Variants in NALF1 observed in about 807,000 individuals in gnomAD.
The protein encoded by NALF1 is family with sequence similarity 155 member A.
Under a neutral mutation model 48.4 loss-of-function variants are expected in NALF1, and 3 were observed. The ratio of observed to expected loss-of-function variants is 0.06; its 90% CI spans 0.03 to 0.16. The LOEUF is 0.16. NALF1 is among the 10% of genes least tolerant of loss of function. NALF1 has a pLI of 1.00. For missense variants in NALF1, 526 were observed against 571.5 expected (o/e 0.92, Z 0.81); for synonymous variants, 262 against 245.7 (o/e 1.07, Z -0.62).
chr13:107,459,565 A>C lies in NALF1; in HGVS notation c.916-248810T>G, dbSNP rs866723915. 1.5e-4 allele frequency among the ~76,000 whole-genome samples: 23 copies of C among 152,266 alleles called. 1 individual carries two copies. The South Asian group carries it at 4.1e-3, about 27-fold the overall frequency. On this transcript the variant is annotated intron_variant, in intron 1 of 2. Coordinates refer to ENST00000375915, the MANE Select transcript of NALF1 (RefSeq NM_001080396.3). ...TATTGTCCTGCAGTATTTTTATAGT[A>C]CACTGCACATATTTTCTCTGACAGA...
intron 1 of NALF1, among the ~76,000 whole-genome samples, chr13:107,358,281 T>C (rs9559019): frequency 0.2 from 29,663 of 151,984 alleles, 3,133 homozygotes; most frequent in East Asian, 0.42. Flanking sequence ...GCCTGCTGTA[T>C]TACCTTTAGA....
chr13:107,191,038 C>T (rs1879268607), intron 2 of NALF1, among the ~76,000 whole-genome samples: 1 of 152,166 alleles, frequency 6.6e-6, no homozygotes, highest in Non-Finnish European at 1.5e-5. Flanking sequence ...AGTTGCCAAA[C>T]AGAATAATGT....
At chr13:107,627,527 A>G (rs1409521452) in intron 1 of NALF1, among the ~76,000 whole-genome samples, 1 of 151,984 alleles carries the variant, frequency 6.6e-6, no homozygotes, top group Non-Finnish European at 1.5e-5. Flanking sequence ...CTGTACCTGT[A>G]TTTTCTCTGC....
chr13:107,275,158 A>ACCTT (rs1462719344), intron 1 of NALF1, among the ~76,000 whole-genome samples: 3 of 152,162 alleles, frequency 2.0e-5, no homozygotes, highest in Non-Finnish European at 2.9e-5. Context: ...GCCAGTGTCG[A>ACCTT]CCTTCTTTAA....
At chr13:107,643,420 G>A (rs1412725848) in intron 1 of NALF1, among the ~76,000 whole-genome samples, 1 of 151,698 alleles carries the variant, frequency 6.6e-6, no homozygotes, top group East Asian at 2.0e-4. Flanking sequence ...ATATGACACA[G>A]TTATTTATAA....
At chr13:107,597,789 C>G (rs73595215) in intron 1 of NALF1, among the ~76,000 whole-genome samples, 6,217 of 152,032 alleles carry the variant, frequency 0.041, 210 homozygotes, top group African/African-American at 0.1. Flanking sequence ...AAAAATCAAT[C>G]AAAAAGAATA....
At chr13:107,644,421 T>TA (rs796795415) in intron 1 of NALF1, among the ~76,000 whole-genome samples, 3,190 of 139,766 alleles carry the variant, frequency 0.023, 74 homozygotes, top group South Asian at 0.039. Flanking sequence ...AAACTCAGGT[T>TA]AAAAAAAAAA....
chr13:107,605,097 C>T (rs1233992260), intron 1 of NALF1, among the ~76,000 whole-genome samples: 1 of 152,192 alleles, frequency 6.6e-6, no homozygotes, highest in African/African-American at 2.4e-5. Context: ...GTTTATCACA[C>T]ATTGGCTCTA....
At chr13:107,538,512 A>G (rs1185188213) in intron 1 of NALF1, among the ~76,000 whole-genome samples, 1 of 152,180 alleles carries the variant, frequency 6.6e-6, no homozygotes, top group Non-Finnish European at 1.5e-5. Flanking sequence ...TGAAGGACCT[A>G]CATGGAGTTC....
intron 1 of NALF1, among the ~76,000 whole-genome samples, chr13:107,358,620 A>C (rs1352288980): frequency 6.6e-6 from 1 of 152,154 alleles, no homozygotes; most frequent in African/African-American, 2.4e-5. Context: ...CATTCAATAA[A>C]ACACAGTGTT....
At chr13:107,861,239 T>C (rs970890649) in intron 1 of NALF1, among the ~76,000 whole-genome samples, 19 of 152,176 alleles carry the variant, frequency 1.2e-4, no homozygotes, top group African/African-American at 4.6e-4. Context: ...TACATATAAC[T>C]ATCATGCATC....
intron 1 of NALF1, among the ~76,000 whole-genome samples, chr13:107,614,661 T>C (rs1879330085): frequency 6.6e-6 from 1 of 152,194 alleles, no homozygotes; most frequent in South Asian, 2.1e-4. Flanking sequence ...AGTTTGTCCT[T>C]GGATCACATA....
chr13:107,632,942 G>A (rs1879872677), intron 1 of NALF1, among the ~76,000 whole-genome samples: 1 of 150,762 alleles, frequency 6.6e-6, no homozygotes, highest in South Asian at 2.1e-4. Flanking sequence ...AAGGTGTGTG[G>A]ATTTCACTTG....
At chr13:107,534,356 T>G (rs1876737911) in intron 1 of NALF1, among the ~76,000 whole-genome samples, 1 of 152,080 alleles carries the variant, frequency 6.6e-6, no homozygotes. Context: ...CATTTTCCTC[T>G]AAGAAAAACT....
At chr13:107,843,638 C>G (rs903236450) in intron 1 of NALF1, among the ~76,000 whole-genome samples, 2 of 152,014 alleles carry the variant, frequency 1.3e-5, no homozygotes, top group African/African-American at 4.8e-5. Context: ...CTAATCACTC[C>G]AATTTCTTAT....
At chr13:107,305,106 C>T (rs761275433) in intron 1 of NALF1, among the ~76,000 whole-genome samples, 58 of 152,178 alleles carry the variant, frequency 3.8e-4, no homozygotes, top group Non-Finnish European at 7.1e-4. Flanking sequence ...ATAGTCATAG[C>T]CTCACACTCC....
intron 1 of NALF1, among the ~76,000 whole-genome samples, chr13:107,797,730 T>G (rs926802656): frequency 3.9e-5 from 6 of 152,162 alleles, no homozygotes; most frequent in Admixed American, 6.5e-5. Context: ...GAAGATAAAT[T>G]TCATTTAATT....
intron 1 of NALF1, among the ~76,000 whole-genome samples, chr13:107,458,860 T>G (rs1367077162): frequency 6.6e-6 from 1 of 152,170 alleles, no homozygotes; most frequent in African/African-American, 2.4e-5. Context: ...TAATACACTA[T>G]TTTTTGGATC....
intron 1 of NALF1, among the ~76,000 whole-genome samples, chr13:107,616,093 T>C (rs1879371450): frequency 6.6e-6 from 1 of 152,138 alleles, no homozygotes; most frequent in South Asian, 2.1e-4. Flanking sequence ...TTCAAAACTA[T>C]TGCTGAAGAT....
Sources: allele counts gnomAD v4.1 joint callset (sites outside exome capture counted in the v4.1 genomes callset), GRCh38; gene constraint gnomAD v4.1.1; transcripts MANE v1.5; gene names NCBI Gene and HGNC (gene_info 2026-07-23, HGNC 2026-07-21).